Variants in CAST observed in about 807,000 individuals in gnomAD.
The protein encoded by CAST is calpastatin, also known as MIR583 host.
CAST carries 76 observed loss-of-function variants against 119.6 expected under a neutral mutation model. That is an observed-to-expected ratio of 0.64 (90% CI 0.53 to 0.77). CAST has a LOEUF of 0.77. Ranked by LOEUF, CAST falls within the 30% of genes least tolerant of loss-of-function variation. CAST has a pLI of 0.00. For synonymous variants in CAST, 319 were observed against 331.6 expected (o/e 0.96, Z 0.41); for missense variants, 953 against 946.5 (o/e 1.01, Z -0.09).
chr5:96,263,389 G>A, the CAST span, among the ~76,000 whole-genome samples: 5 of 152,178 alleles, frequency 3.3e-5, no homozygotes, highest in Non-Finnish European at 4.4e-5. Context: ...AAAAAGAAAT[G>A]TGTCAAGGAC....
At chr5:96,519,757 T>G in the CAST span, among the ~76,000 whole-genome samples, 1 of 151,986 alleles carries the variant, frequency 6.6e-6, no homozygotes, top group African/African-American at 2.4e-5. Context: ...CAGGTGCTCG[T>G]GATCATGCTT....
the CAST span, among the ~76,000 whole-genome samples, chr5:96,509,596 G>A: frequency 6.6e-6 from 1 of 152,286 alleles, no homozygotes; most frequent in Non-Finnish European, 1.5e-5. Flanking sequence ...CATGAGCATG[G>A]AGGGGAATAA....
intron 1 of CAST, among the ~76,000 whole-genome samples, chr5:96,668,237 G>A (rs1002046837): frequency 6.6e-6 from 1 of 152,102 alleles, no homozygotes; most frequent in Non-Finnish European, 1.5e-5. Context: ...CCAAATTGCT[G>A]TAGTTTGTTG....
chr5:96,018,124 C>A, the CAST span, among the ~76,000 whole-genome samples: 1 of 152,164 alleles, frequency 6.6e-6, no homozygotes, highest in Admixed American at 6.5e-5. Flanking sequence ...AGGGAATACT[C>A]CTGTACATTG....
intron 3 of CAST, among the ~76,000 whole-genome samples, chr5:96,698,986 G>A (rs1373189534): frequency 3.3e-5 from 5 of 152,146 alleles, no homozygotes; most frequent in African/African-American, 4.8e-5. Context: ...ATGAGGAATT[G>A]GGCCCTCAAA....
At chr5:96,635,957 T>C (rs1406788374) in intron 1 of CAST, among the ~76,000 whole-genome samples, 1 of 152,236 alleles carries the variant, frequency 6.6e-6, no homozygotes, top group Non-Finnish European at 1.5e-5. Context: ...CTTGGAAATG[T>C]CAATTTCCAT....
chr5:96,345,665 C>A, the CAST span, among the ~76,000 whole-genome samples: 4 of 152,300 alleles, frequency 2.6e-5, no homozygotes, highest in African/African-American at 9.6e-5. Context: ...GAGCTGCTCT[C>A]CCATCTGAAG....
chr5:96,425,039 AG>A, the CAST span, among the ~76,000 whole-genome samples: 1,660 of 145,904 alleles, frequency 0.011, 52 homozygotes, highest in Admixed American at 0.054. Flanking sequence ...AAAGAAAGAA[AG>A]AAAGAAAGAA....
chr5:96,304,069 G>A, the CAST span, among the ~76,000 whole-genome samples: 1 of 152,212 alleles, frequency 6.6e-6, no homozygotes, highest in South Asian at 2.1e-4. Context: ...CCCACCAACA[G>A]TGTAAAAGCG....
chr5:96,353,456 A>C, the CAST span, among the ~76,000 whole-genome samples: 1 of 152,188 alleles, frequency 6.6e-6, no homozygotes, highest in Non-Finnish European at 1.5e-5. Flanking sequence ...CAGAGTGTCC[A>C]GATCGCTGGT....
At chr5:96,525,328 C>T (rs1379982223), upstream of CAST, 8 of 152,176 alleles carry the variant, frequency 5.3e-5, no homozygotes. Flanking sequence ...CATGATGGTT[C>T]TTTCCCTGTA....
chr5:96,098,735 A>T, the CAST span, among the ~76,000 whole-genome samples: 1 of 152,126 alleles, frequency 6.6e-6, no homozygotes, highest in Non-Finnish European at 1.5e-5. Context: ...GCCCTGTAGT[A>T]TAGTTTGAAG....
the CAST span, among the ~76,000 whole-genome samples, chr5:96,455,408 T>C: frequency 6.6e-6 from 1 of 152,364 alleles, no homozygotes; most frequent in Admixed American, 6.5e-5. Flanking sequence ...AAACTCTAAA[T>C]GTCTTCTGGA....
At chr5:96,721,107 T>G (rs1758166117) in intron 3 of CAST, among the ~76,000 whole-genome samples, 1 of 152,188 alleles carries the variant, frequency 6.6e-6, no homozygotes, top group African/African-American at 2.4e-5. Context: ...AAATCTGTCT[T>G]GGTACATCTT....
chr5:96,316,578 AAGTC>A, the CAST span, among the ~76,000 whole-genome samples: 1 of 152,238 alleles, frequency 6.6e-6, no homozygotes, highest in Non-Finnish European at 1.5e-5. Context: ...GGAGATCAAA[AAGTC>A]AGGTTGAAAG....
intron 1 of CAST, among the ~76,000 whole-genome samples, chr5:96,612,314 A>T (rs573748018): frequency 2.0e-5 from 3 of 152,294 alleles, no homozygotes; most frequent in African/African-American, 7.2e-5. Context: ...ATTATCCTAA[A>T]TGAATTAACA....
At chr5:96,451,151 G>A in the CAST span, among the ~76,000 whole-genome samples, 5 of 152,040 alleles carry the variant, frequency 3.3e-5, no homozygotes, top group African/African-American at 9.7e-5. Flanking sequence ...CGAATTCTAC[G>A]TAATCTTAGA....
Position 96,532,676 on chromosome 5 carries a change from C to G in CAST, c.60+2796C>G, listed in dbSNP as rs185482587. ...ACCAGCGTGGCCAACATGGTGAAAT[C>G]CTGTCTCTGCTAAAAATACAAAAAT... On this transcript the variant is annotated intron_variant, in intron 1 of 11. Transcript: ENST00000505143. Among the ~76,000 whole-genome samples the G allele has an allele frequency of 3.3e-3, 500 of 152,210 alleles. 4 individuals are homozygous for G. The highest frequency in any genetic ancestry group is 3.4e-3 in the Non-Finnish European group (233 of 67,998).
chr5:96,532,054 T>C (rs925855569), intron 1 of CAST, among the ~76,000 whole-genome samples: 3 of 151,454 alleles, frequency 2.0e-5, no homozygotes, highest in South Asian at 4.2e-4. Context: ...GGAGTTTGAG[T>C]CCAGGCTAGG....
Sources: allele counts gnomAD v4.1 joint callset (sites outside exome capture counted in the v4.1 genomes callset), GRCh38; gene constraint gnomAD v4.1.1; transcripts MANE v1.5; gene names NCBI Gene and HGNC (gene_info 2026-07-23, HGNC 2026-07-21).